Variants in CPE observed in about 807,000 individuals in gnomAD.
CPE encodes the protein carboxypeptidase E, also known as carbocypeptidase E.
A neutral mutation model predicts 53.5 loss-of-function variants in CPE; 17 were observed. The ratio of observed to expected loss-of-function variants is 0.32; its 90% CI spans 0.22 to 0.48. CPE has a LOEUF of 0.48. CPE is among the 20% of genes least tolerant of loss of function. The pLI is 0.99. For synonymous variants in CPE, 226 were observed against 228.8 expected (o/e 0.99, Z 0.11); for missense variants, 524 against 614.7 (o/e 0.85, Z 1.56).
intron 1 of CPE, among the ~76,000 whole-genome samples, chr4:165,435,160 C>T (rs1345949491): frequency 6.6e-6 from 1 of 152,134 alleles, no homozygotes; most frequent in Admixed American, 6.5e-5. Flanking sequence ...CTCAAGTATT[C>T]CTTTATAGCA....
At chr4:165,407,178 A>G (rs2126665475) in intron 1 of CPE, among the ~76,000 whole-genome samples, 1 of 152,306 alleles carries the variant, frequency 6.6e-6, no homozygotes, top group Non-Finnish European at 1.5e-5. Context: ...CTGTTTTCCA[A>G]AATGACTACA....
At chr4:165,393,601 C>T (rs1324794569) in intron 1 of CPE, among the ~76,000 whole-genome samples, 1 of 152,182 alleles carries the variant, frequency 6.6e-6, no homozygotes, top group Non-Finnish European at 1.5e-5. Flanking sequence ...TTCTGATACA[C>T]AGTTGGACAC....
intron 1 of CPE, among the ~76,000 whole-genome samples, chr4:165,442,102 G>A (rs1731626152): frequency 6.8e-6 from 1 of 147,406 alleles, no homozygotes; most frequent in African/African-American, 2.5e-5. Context: ...GAGTGCAGGA[G>A]TGTGATCATG....
chr4:165,488,812 A>G (rs1291999910), intron 6 of CPE, among the ~76,000 whole-genome samples: 1 of 152,000 alleles, frequency 6.6e-6, no homozygotes, highest in Non-Finnish European at 1.5e-5. Context: ...AGTGGTCCCT[A>G]TAGCTTGCTA....
intron 5 of CPE, among the ~76,000 whole-genome samples, chr4:165,485,795 G>A (rs944049099): frequency 2.6e-5 from 4 of 152,164 alleles, no homozygotes; most frequent in Admixed American, 2.0e-4. Flanking sequence ...AGGAAGCTCC[G>A]TTAGTCTTCA....
chr4:165,424,875 G>T (rs1452386585), intron 1 of CPE, among the ~76,000 whole-genome samples: 7 of 123,890 alleles, frequency 5.7e-5, no homozygotes, highest in African/African-American at 2.1e-4. Context: ...TTAAAAAGTA[G>T]AAACTTTTTT....
At chr4:165,434,748 G>A (rs1337114953) in intron 1 of CPE, among the ~76,000 whole-genome samples, 3 of 152,106 alleles carry the variant, frequency 2.0e-5, no homozygotes, top group Non-Finnish European at 1.5e-5. Flanking sequence ...GTAGTTGAGT[G>A]CGTGATAACA....
chr4:165,466,632 T>G (rs183682272), intron 2 of CPE, among the ~76,000 whole-genome samples: 3,090 of 152,202 alleles, frequency 0.02, 188 homozygotes, highest in Admixed American at 0.14. Context: ...TTTTCCTGCC[T>G]CAGCCTCCCA....
At chr4:165,393,118 CTGTTT>C (rs1422266597) in intron 1 of CPE, among the ~76,000 whole-genome samples, 10 of 151,938 alleles carry the variant, frequency 6.6e-5, no homozygotes, top group Non-Finnish European at 1.5e-4. Flanking sequence ...AATTAGTGTT[CTGTTT>C]TGACTATGTA....
At chr4:165,488,696 G>A (rs762824181) in intron 6 of CPE, among the ~76,000 whole-genome samples, 6 of 152,236 alleles carry the variant, frequency 3.9e-5, no homozygotes, top group Admixed American at 2.0e-4. Flanking sequence ...GTATTTATAT[G>A]TGTATATGTA....
intron 1 of CPE, among the ~76,000 whole-genome samples, chr4:165,454,231 T>C (rs1188207923): frequency 6.6e-6 from 1 of 152,204 alleles, no homozygotes; most frequent in African/African-American, 2.4e-5. Flanking sequence ...CTCCATAGGC[T>C]CAGGCATGCA....
chr4:165,440,460 C>G (rs1051857219), intron 1 of CPE, among the ~76,000 whole-genome samples: 2 of 136,392 alleles, frequency 1.5e-5, no homozygotes, highest in South Asian at 2.4e-4. Context: ...CCCCACCCCC[C>G]CCCACACACA....
chr4:165,431,526 C>T (rs1731408629), intron 1 of CPE, among the ~76,000 whole-genome samples: 1 of 152,144 alleles, frequency 6.6e-6, no homozygotes, highest in Non-Finnish European at 1.5e-5. Context: ...GTGTGAATAG[C>T]TCCCTTAAGT....
intron 1 of CPE, among the ~76,000 whole-genome samples, chr4:165,385,311 G>A (rs555812831): frequency 5.9e-5 from 9 of 152,150 alleles, no homozygotes; most frequent in Admixed American, 1.3e-4. Context: ...TGGCTGCATC[G>A]TCACGTGAGA....
chr4:165,497,429 C>T (rs1732720685), intron 8 of CPE, 83 bp from the exon 9 acceptor site: 9 of 684,360 alleles, frequency 1.3e-5, no homozygotes, highest in Non-Finnish European at 2.0e-5. Flanking sequence ...TGAGTGTATA[C>T]TGAAACTGCT....
intron 1 of CPE, among the ~76,000 whole-genome samples, chr4:165,462,193 G>A (rs1262670560): frequency 1.3e-5 from 2 of 152,198 alleles, no homozygotes; most frequent in African/African-American, 2.4e-5. Flanking sequence ...AGGGAATGGC[G>A]CAGCCTGTGG....
chr4:165,453,769 G>A (rs1731853851), intron 1 of CPE, among the ~76,000 whole-genome samples: 1 of 152,170 alleles, frequency 6.6e-6, no homozygotes, highest in African/African-American at 2.4e-5. Flanking sequence ...GAGACCCAAA[G>A]CAGCCCAGTC....
chr4:165,443,082 G>A (rs900908478), intron 1 of CPE, among the ~76,000 whole-genome samples: 4 of 152,112 alleles, frequency 2.6e-5, no homozygotes, highest in Non-Finnish European at 4.4e-5. Context: ...CATTAAAAGG[G>A]CCTAACTACA....
At chr4:165,483,905 T>C (rs890095639) in intron 4 of CPE, among the ~76,000 whole-genome samples, 8 of 152,204 alleles carry the variant, frequency 5.3e-5, no homozygotes, top group African/African-American at 1.9e-4. Flanking sequence ...GACTTTGTGG[T>C]TTGTTGATAA....
Sources: gnomAD v4.1 joint callset for allele counts (sites outside exome capture counted in the v4.1 genomes callset) on GRCh38, gnomAD v4.1.1 for gene constraint, MANE v1.5 for transcripts, NCBI Gene and HGNC (gene_info 2026-07-23, HGNC 2026-07-21) for gene names.